FRMD4A: variants seen among roughly 807,000 people sequenced by gnomAD.
FRMD4A encodes FERM domain-containing protein 4A.
Under a neutral mutation model 129.1 loss-of-function variants are expected in FRMD4A, and 29 were observed. The observed-to-expected ratio is 0.22, with a 90% CI of 0.17 to 0.31. The LOEUF (loss-of-function observed/expected upper bound fraction) is 0.31. FRMD4A is among the 10% of genes least tolerant of loss of function. The pLI is 1.00. For missense variants in FRMD4A, 1,272 were observed against 1,375.8 expected, an observed-to-expected ratio of 0.92 and a Z score of 1.19; for synonymous variants, 634 against 571.6, an observed-to-expected ratio of 1.11 and a Z score of -1.56.
chr10:14,168,829 T>C (rs1000529511), intron 2 of FRMD4A, among the ~76,000 whole-genome samples: 28 of 152,312 alleles, frequency 1.8e-4, no homozygotes, highest in Middle Eastern at 3.4e-3. Context: ...CTAGTAAGTA[T>C]CAGAGCTAGA....
intron 4 of FRMD4A, among the ~76,000 whole-genome samples, chr10:13,804,083 T>A (rs1427944744): frequency 6.6e-6 from 1 of 152,222 alleles, no homozygotes; most frequent in Non-Finnish European, 1.5e-5. Flanking sequence ...TACTGTTGTA[T>A]GTTTGCCGTT....
At chr10:14,008,128 G>A in intron 2 of FRMD4A, 1 of 1,300,778 alleles carries the variant, frequency 7.7e-7, no homozygotes, top group South Asian at 1.2e-5. Flanking sequence ...GATCTATTCG[G>A]AGCCACTGCA....
At chr10:13,947,358 A>AT (rs1310927388) in intron 2 of FRMD4A, among the ~76,000 whole-genome samples, 1 of 152,180 alleles carries the variant, frequency 6.6e-6, no homozygotes, top group East Asian at 1.9e-4. Flanking sequence ...AATTGCCCAA[A>AT]ATCTCACAAA....
intron 6 of FRMD4A, among the ~76,000 whole-genome samples, chr10:13,777,741 G>C (rs912554331): frequency 1.6e-4 from 24 of 151,046 alleles, no homozygotes; most frequent in African/African-American, 5.3e-4. Context: ...AGTACTGAAC[G>C]CAACTCCTCT....
chr10:14,199,537 C>T (rs1191384827), intron 2 of FRMD4A, among the ~76,000 whole-genome samples: 1 of 151,868 alleles, frequency 6.6e-6, no homozygotes, highest in Non-Finnish European at 1.5e-5. Context: ...TTATAGGCAC[C>T]CACCACCACG....
At chr10:13,968,401 C>T (rs1158353506) in intron 2 of FRMD4A, among the ~76,000 whole-genome samples, 3 of 152,192 alleles carry the variant, frequency 2.0e-5, no homozygotes, top group Non-Finnish European at 2.9e-5. Context: ...ACAAAAACAA[C>T]ATTTCACATT....
chr10:13,902,465 G>GAGAGAGAGAGAGAGAGAGAC (rs2094831208), intron 2 of FRMD4A, among the ~76,000 whole-genome samples: 1 of 149,140 alleles, frequency 6.7e-6, no homozygotes. Context: ...TGGAGAGAGA[G>GAGAGAGAGAGAGAGAGAGAC]AGAGAGAGAG....
intron 2 of FRMD4A, among the ~76,000 whole-genome samples, chr10:14,279,104 T>C (rs971622700): frequency 6.6e-6 from 1 of 151,988 alleles, no homozygotes; most frequent in African/African-American, 2.4e-5. Flanking sequence ...CCTTGATTCA[T>C]GGGTATTTAG....
At chr10:14,108,479 T>G in intron 2 of FRMD4A, among the ~76,000 whole-genome samples, 1 of 152,178 alleles carries the variant, frequency 6.6e-6, no homozygotes, top group East Asian at 1.9e-4. Flanking sequence ...GGTATGTGAT[T>G]GGAAATGGGT....
chr10:14,007,073 T>C (rs1056085176), intron 2 of FRMD4A: 1 of 152,122 alleles, frequency 6.6e-6, no homozygotes. Context: ...CGCTGAGTAG[T>C]AAGTTATACC....
At chr10:13,873,373 T>C (rs536541507) in intron 2 of FRMD4A, among the ~76,000 whole-genome samples, 1 of 151,338 alleles carries the variant, frequency 6.6e-6, no homozygotes, top group Non-Finnish European at 1.5e-5. Flanking sequence ...TAAAATTAAA[T>C]GAGGAAGTGA....
chr10:14,190,553 C>G (rs895893158), intron 2 of FRMD4A, among the ~76,000 whole-genome samples: 10 of 152,112 alleles, frequency 6.6e-5, no homozygotes, highest in Non-Finnish European at 1.5e-5. Context: ...TCACACCTGG[C>G]TAATAAATTT....
chr10:14,086,525 C>T (rs1485336880), intron 2 of FRMD4A, among the ~76,000 whole-genome samples: 2 of 152,146 alleles, frequency 1.3e-5, no homozygotes, highest in African/African-American at 4.8e-5. Context: ...TGGGGATAAT[C>T]AAGTTTAATT....
At chr10:13,818,998 C>T (rs1167747964) in intron 3 of FRMD4A, among the ~76,000 whole-genome samples, 4 of 152,038 alleles carry the variant, frequency 2.6e-5, no homozygotes, top group African/African-American at 4.8e-5. Flanking sequence ...CGTGGTGGCT[C>T]ATGCCTGTAA....
chr10:13,791,508 C>A (rs1464293151), intron 5 of FRMD4A, among the ~76,000 whole-genome samples: 1 of 151,792 alleles, frequency 6.6e-6, no homozygotes, highest in Non-Finnish European at 1.5e-5. Flanking sequence ...AGGTGTGGTC[C>A]AGGGTCAGGA....
At chr10:13,662,387 A>AC (rs569982380) in intron 19 of FRMD4A, among the ~76,000 whole-genome samples, 10 of 152,258 alleles carry the variant, frequency 6.6e-5, no homozygotes, top group Admixed American at 5.9e-4. Flanking sequence ...ACTAGTGTGG[A>AC]CCTTTCATGC....
At chr10:14,101,377 G>A (rs558731191) in intron 2 of FRMD4A, among the ~76,000 whole-genome samples, 2 of 152,182 alleles carry the variant, frequency 1.3e-5, no homozygotes, top group African/African-American at 2.4e-5. Flanking sequence ...TACTTGCTGC[G>A]GGGTTAGTCT....
rs118083373 is a variant in FRMD4A, at chr10:13,688,902, G to C, written c.1117+4996C>G. Among the ~76,000 whole-genome samples, 1,363 of 152,038 alleles carry C rather than the reference G, an allele frequency of 9.0e-3. 11 individuals carry two copies. The highest frequency in any genetic ancestry group is 0.017 in the Middle Eastern group (5 of 294). ...CTAGCTAATTTTTATATTTTTGGTAGAGACCGGATTTCATCATGTTGGCCA... is the reference window on the plus strand; with the variant it reads ...CTAGCTAATTTTTATATTTTTGGTACAGACCGGATTTCATCATGTTGGCCA... On this transcript the variant is annotated intron_variant, in intron 15 of 24. Coordinates refer to ENST00000357447, the MANE Select transcript of FRMD4A (RefSeq NM_018027.5).
At chr10:13,908,106 A>G (rs1256254914) in intron 2 of FRMD4A, among the ~76,000 whole-genome samples, 1 of 136,702 alleles carries the variant, frequency 7.3e-6, no homozygotes, top group Non-Finnish European at 1.5e-5. Context: ...CAGAGGTTGC[A>G]GTGAGCCAAG....
Sources: gnomAD v4.1 joint callset for allele counts (sites outside exome capture counted in the v4.1 genomes callset) on GRCh38, gnomAD v4.1.1 for gene constraint, MANE v1.5 for transcripts, NCBI Gene and HGNC (gene_info 2026-07-23, HGNC 2026-07-21) for gene names.